Variants in GNB3 observed in about 807,000 individuals in gnomAD.
GNB3 encodes the protein G protein subunit beta 3.
A neutral mutation model predicts 41.2 loss-of-function variants in GNB3; 33 were observed. That is an observed-to-expected ratio of 0.80 (90% confidence interval 0.61 to 1.07). The LOEUF (loss-of-function observed/expected upper bound fraction) is 1.07, where lower values mean the gene tolerates loss of function less well. GNB3 is among the 50% of genes least tolerant of loss of function. The probability of loss-of-function intolerance (pLI) is 0.00; values close to 1 mark genes in which losing one functional copy is unlikely to be tolerated. For synonymous variants in GNB3, 172 were observed against 173.4 expected (o/e 0.99, Z 0.06); for missense variants, 409 against 455.3 (o/e 0.90, Z 0.92).
chr12:6,841,657 T>C (rs368336313), intron 3 of GNB3, 33 bp downstream of exon 3: 5 of 1,570,982 alleles, frequency 3.2e-6, no homozygotes, highest in African/African-American at 2.7e-5. Flanking sequence ...AGGCAGGGCA[T>C]GGGGGGAGGG....
chr12:6,843,718 G>A lies in GNB3; in HGVS notation c.497+20G>A, dbSNP rs1293570967. The stretch of plus-strand genomic sequence containing the variant: ...CACGTGGTGAGGCTGAACATTGCTG[G>A]TGCTGGGGCTTGGGAGTGGGCCCGG... On this transcript the variant is annotated intron_variant, in intron 7 of 9. Transcript: ENST00000229264. The surrounding 1 kb of genome is among the most constrained non-coding windows in gnomAD (Gnocchi z 5.9). 1 of 1,613,594 alleles carries A rather than the reference G, an allele frequency of 6.2e-7. No individual in the cohort carries two copies. Among genetic ancestry groups the A allele is most frequent in the Non-Finnish European group, 8.5e-7 (1 of 1,179,454 alleles).
chr12:6,845,454 C>A, intron 8 of GNB3, 132 bp from the exon 9 acceptor site: 1 of 652,746 alleles, frequency 1.5e-6, no homozygotes, highest in South Asian at 1.8e-5. Flanking sequence ...TCACCCCAAA[C>A]CAAGGGAGGG....
intron 3 of GNB3, 41 bp from the exon 4 acceptor site, chr12:6,842,929 T>G: frequency 1.5e-6 from 2 of 1,341,530 alleles, no homozygotes; most frequent in Non-Finnish European, 2.1e-6. Context: ...TCTGGGCACG[T>G]AACCTGCTCA....
Position 6,843,792 on chromosome 12 carries a change from T to C in GNB3, c.513T>C (p.Ile171=). The C allele has an allele frequency of 1.2e-6, 2 of 1,614,030 alleles. No homozygotes were observed. The highest frequency in any genetic ancestry group is 1.7e-6 in the Non-Finnish European group (2 of 1,179,916). ...SGDTTCALWD[I]ETGQQKTVFV... is the part of the protein sequence containing the mutation. ...ATTTTGGCAGTGCCTTGTGGGACAT[T>C]GAGACTGGGCAGCAGAAGACTGTAT... Residue 171 remains isoleucine, a synonymous_variant, in exon 8 of 10, where the codon ATT becomes ATC. Transcript: ENST00000229264. The surrounding 1 kb of genome is among the most constrained non-coding windows in gnomAD (Gnocchi z 5.9).
In GNB3 at chr12:6,843,094, A is replaced by T; in HGVS notation, c.203+18A>T. The stretch of plus-strand genomic sequence containing the variant: ...GATTCTAAGTGAGGCTTGGGGGGGA[A>T]CCGAGAATGGGAGGGTGAGAGCGGG... On this transcript the variant is annotated intron_variant, in intron 4 of 9. Coordinates refer to ENST00000229264, the MANE Select transcript of GNB3 (RefSeq NM_002075.4). The surrounding 1 kb of genome is among the most constrained non-coding windows in gnomAD (Gnocchi z 5.9). 3 of 1,602,636 alleles carry T rather than the reference A, an allele frequency of 1.9e-6. No individual in the cohort carries two copies. The highest frequency in any genetic ancestry group is 2.6e-6 in the Non-Finnish European group (3 of 1,170,312).
At position 6,843,014 on chromosome 12, in the gene GNB3, G is replaced by C. The variant is rs149095347; in HGVS notation, c.141G>C (p.Thr47=). 1.3e-6 allele frequency: 2 copies of C among 1,565,184 alleles called. No individual in the cohort carries two copies. The highest frequency in any genetic ancestry group is 2.4e-5 in the South Asian group (2 of 83,290). ...TGGTGGGACGAGTCCAGATGCGGAC[G>C]CGGCGGACGTTAAGGGGACACCTGG... ...LEVVGRVQMR[T]RRTLRGHLAK... The change falls in exon 4 of 10, where the codon ACG becomes ACC. Residue 47 remains threonine (T), a synonymous_variant. Transcript: ENST00000229264. The surrounding 1 kb of genome is among the most constrained non-coding windows in gnomAD (Gnocchi z 5.9).
rs1943616103 is a variant in GNB3 at position 6,843,531 on chromosome 12, G to T, written c.430+6G>T. On this transcript the variant is annotated splice_donor_region_variant and intron_variant, in intron 6 of 9. Transcript: ENST00000229264. This position sits in a 1 kb window ranked among gnomAD's most constrained non-coding sequence, Gnocchi z 5.9. ...GGAGCTTTCTGCTCACACAGGTGAGGGAGAGACCCTCTCCTCCCCTCCTGA... is the reference window on the plus strand; with the variant it reads ...GGAGCTTTCTGCTCACACAGGTGAGTGAGAGACCCTCTCCTCCCCTCCTGA... 3.1e-6 allele frequency: 5 copies of T among 1,613,918 alleles called. No individual in the cohort carries two copies. Among genetic ancestry groups the T allele is most frequent in the Non-Finnish European group, 8.5e-7 (1 of 1,179,914 alleles).
intron 2 of GNB3, 24 bp downstream of exon 2, chr12:6,841,368 G>A (rs782576144): frequency 2.5e-6 from 4 of 1,607,810 alleles, no homozygotes; most frequent in African/African-American, 2.7e-5. Flanking sequence ...CCTACCCCTG[G>A]GGCCCCAGAA....
chr12:6,844,629 C>A (rs868925595), intron 8 of GNB3, among the ~76,000 whole-genome samples: 4 of 152,150 alleles, frequency 2.6e-5, no homozygotes, highest in Non-Finnish European at 5.9e-5. Context: ...CTATGTTGCC[C>A]AGGCTGAGCT....
chr12:6,843,588 C>A lies in GNB3; in HGVS notation c.431-44C>A, dbSNP rs1943617573. 1.9e-6 allele frequency: 3 copies of A among 1,612,000 alleles called. No homozygotes were observed. The East Asian group carries it at 6.7e-5, about 36-fold the overall frequency. On this transcript the variant is annotated intron_variant, in intron 6 of 9. Coordinates refer to ENST00000229264, the MANE Select transcript of GNB3 (RefSeq NM_002075.4). This position sits in a 1 kb window ranked among gnomAD's most constrained non-coding sequence, Gnocchi z 5.9. Reference sequence around the variant, plus strand: ...CAGGGAACCCTGGGCTTCCAGTGGGCTGTGGCTCTGCAGCCAGGGCACTGT... The same window carrying A: ...CAGGGAACCCTGGGCTTCCAGTGGGATGTGGCTCTGCAGCCAGGGCACTGT...
In GNB3 at chr12:6,841,063, T is replaced by A. The variant is rs782380791; in HGVS notation, c.-31+30T>A. The A allele has an allele frequency of 1.8e-4, 106 of 591,614 alleles. 1 individual carries two copies. The highest frequency in any genetic ancestry group is 8.8e-4 in the Middle Eastern group (2 of 2,270). 36.6% of individuals were successfully genotyped at this position (591,614 alleles called of 1,614,324 possible). ...GAGGGAGCTGGCCTGGGCTCTGCTC[T>A]CCTGGGCTGGGGCGCAGGCAGGGCT... On this transcript the variant is annotated intron_variant, in intron 1 of 9. Coordinates refer to ENST00000229264, the MANE Select transcript of GNB3 (RefSeq NM_002075.4).
chr12:6,845,077 A>G (rs1943659087), intron 8 of GNB3: 1 of 153,052 alleles, frequency 6.5e-6, no homozygotes, highest in Admixed American at 6.5e-5. Context: ...CTTTTTCGTC[A>G]CCACCTTTAA....
chr12:6,842,822 C>T, intron 3 of GNB3, 148 bp from the exon 4 acceptor site: 1 of 559,948 alleles, frequency 1.8e-6, no homozygotes, highest in Non-Finnish European at 3.2e-6. Flanking sequence ...CAGTCTAAGA[C>T]ACTCCAGGGC....
rs781943176 is a variant in GNB3, at chr12:6,843,948, T to C, written c.669T>C (p.Thr223=). 1.2e-6 allele frequency: 2 copies of C among 1,613,536 alleles called. No individual in the cohort carries two copies. Among genetic ancestry groups the C allele is most frequent in the South Asian group, 2.2e-5 (2 of 91,056 alleles). The change falls in exon 8 of 10, where the codon ACT becomes ACC. Residue 223 remains threonine, a synonymous_variant. Coordinates refer to ENST00000229264, the MANE Select transcript of GNB3 (RefSeq NM_002075.4). This position sits in a 1 kb window ranked among gnomAD's most constrained non-coding sequence, Gnocchi z 5.9. Reference sequence around the variant, plus strand: ...AGGGGACCTGCCGTCAGACTTTCACTGGCCACGAGTCGGACATCAACGCCA... The same window carrying C: ...AGGGGACCTGCCGTCAGACTTTCACCGGCCACGAGTCGGACATCAACGCCA... ...VREGTCRQTF[T]GHESDINAIC... is the part of the protein sequence containing the mutation.
chr12:6,844,033 C>A, intron 8 of GNB3, 55 bp downstream of exon 8: 1 of 1,203,192 alleles, frequency 8.3e-7, no homozygotes, highest in Non-Finnish European at 1.2e-6. Context: ...ACACTCCCCA[C>A]AACACATACA....
At chr12:6,841,890 A>G (rs1343956592) in intron 3 of GNB3, 2 of 663,066 alleles carry the variant, frequency 3.0e-6, no homozygotes, top group African/African-American at 3.6e-5. Flanking sequence ...AAGATGAAGA[A>G]GCGATAGTAC....
Position 6,843,077 on chromosome 12 carries a change from G to A in GNB3, c.203+1G>A. 2 of 1,604,138 alleles carry A rather than the reference G, an allele frequency of 1.2e-6. No individual in the cohort carries two copies. Among genetic ancestry groups the A allele is most frequent in the African/African-American group, 1.3e-5 (1 of 74,870 alleles). On this transcript the variant is annotated splice_donor_variant, in intron 4 of 9. Transcript: ENST00000229264. LOFTEE classifies it high-confidence loss of function. This position sits in a 1 kb window ranked among gnomAD's most constrained non-coding sequence, Gnocchi z 5.9. ...CCATGCACTGGGCCACTGATTCTAA[G>A]TGAGGCTTGGGGGGGAACCGAGAAT...
chr12:6,841,686 C>A, intron 3 of GNB3, 62 bp downstream of exon 3: 2 of 1,198,594 alleles, frequency 1.7e-6, no homozygotes, highest in East Asian at 2.4e-5. Context: ...CTCCCCGACC[C>A]GCAATAGCGC....
Position 6,841,258 on chromosome 12 carries a change from G to A in GNB3, c.-30G>A. On this transcript the variant is annotated splice_region_variant and 5_prime_UTR_variant, in exon 2 of 10. Transcript: ENST00000229264. ...AACACCGACCCCATGTTCCTGGCAG[G>A]AGCCAGAGTGACCCCTCGACCTGTC... 6.2e-7 allele frequency: 1 copy of A among 1,601,826 alleles called. No homozygotes were observed. Among genetic ancestry groups the A allele is most frequent in the Non-Finnish European group, 8.5e-7 (1 of 1,171,072 alleles).
Sources: allele counts gnomAD v4.1 joint callset (sites outside exome capture counted in the v4.1 genomes callset), GRCh38; gene constraint gnomAD v4.1.1; non-coding constraint Gnocchi (gnomAD v3.1); transcripts MANE v1.5; gene names NCBI Gene and HGNC (gene_info 2026-07-23, HGNC 2026-07-21).